Variants in MYOCD observed in about 807,000 individuals in gnomAD.
MYOCD encodes myocardin.
Under a neutral mutation model 96.1 loss-of-function variants are expected in MYOCD, and 32 were observed. That is an observed-to-expected ratio of 0.33 (90% confidence interval 0.25 to 0.45). MYOCD has a LOEUF of 0.45. Among genes scored for constraint, MYOCD ranks in the 20% least tolerant of loss-of-function variants. MYOCD has a pLI of 1.00. For missense variants in MYOCD, 1,133 were observed against 1,200.6 expected (o/e 0.94, Z 0.83); for synonymous variants, 469 against 469.0 (o/e 1.00, Z 0.00).
At chr17:12,703,248 T>C (rs993650196) in intron 1 of MYOCD, among the ~76,000 whole-genome samples, 8 of 152,032 alleles carry the variant, frequency 5.3e-5, no homozygotes, top group Non-Finnish European at 1.2e-4. Flanking sequence ...TATAATATGT[T>C]GTGTCTCCCC....
intron 4 of MYOCD, 26 bp downstream of exon 4, chr17:12,717,447 A>G (rs2031683034): frequency 3.2e-6 from 5 of 1,574,030 alleles, no homozygotes; most frequent in Non-Finnish European, 4.4e-6. Context: ...ATCAGACACC[A>G]AGAGATGCTG....
intron 7 of MYOCD, among the ~76,000 whole-genome samples, chr17:12,739,969 T>C (rs1415169242): frequency 6.6e-6 from 1 of 152,180 alleles, no homozygotes; most frequent in Non-Finnish European, 1.5e-5. Context: ...AGAGTCTCTC[T>C]CTGTTGCCCA....
At chr17:12,704,060 T>G (rs758511316) in intron 1 of MYOCD, among the ~76,000 whole-genome samples, 1 of 152,192 alleles carries the variant, frequency 6.6e-6, no homozygotes. Flanking sequence ...GTCTTTTCCA[T>G]TTAGAATTGG....
chr17:12,753,796 A>G (rs1048709707), intron 10 of MYOCD, among the ~76,000 whole-genome samples: 12 of 152,174 alleles, frequency 7.9e-5, no homozygotes, highest in East Asian at 3.9e-4. Flanking sequence ...CAACCTTATC[A>G]TAGGCCAAAC....
At chr17:12,674,350 C>G (rs1248789805) in intron 1 of MYOCD, among the ~76,000 whole-genome samples, 2 of 152,164 alleles carry the variant, frequency 1.3e-5, no homozygotes, top group African/African-American at 4.8e-5. Flanking sequence ...CTGCTATCGT[C>G]CTTGATTTCC....
At chr17:12,672,712 A>G (rs921218187) in intron 1 of MYOCD, among the ~76,000 whole-genome samples, 2 of 152,144 alleles carry the variant, frequency 1.3e-5, no homozygotes, top group African/African-American at 4.8e-5. Flanking sequence ...CCTCTGACTC[A>G]TGGATGTTTG....
At chr17:12,709,288 A>C (rs2031404766) in intron 2 of MYOCD, among the ~76,000 whole-genome samples, 1 of 152,254 alleles carries the variant, frequency 6.6e-6, no homozygotes, top group South Asian at 2.1e-4. Context: ...AGTGGTTAGC[A>C]ACCAGCAACA....
intron 1 of MYOCD, among the ~76,000 whole-genome samples, chr17:12,677,051 T>G (rs1730483805): frequency 6.6e-6 from 1 of 152,192 alleles, no homozygotes; most frequent in Admixed American, 6.6e-5. Context: ...TAATTATACT[T>G]TAATTCACAC....
chr17:12,734,116 G>GAAT (rs72533861), intron 5 of MYOCD, among the ~76,000 whole-genome samples: 1 of 151,896 alleles, frequency 6.6e-6, no homozygotes, highest in Admixed American at 6.6e-5. Flanking sequence ...AGAATATGTA[G>GAAT]ATTTTGCAAT....
intron 9 of MYOCD, among the ~76,000 whole-genome samples, chr17:12,746,595 C>A (rs755971390): frequency 2.3e-4 from 35 of 152,100 alleles, no homozygotes; most frequent in Non-Finnish European, 3.7e-4. Flanking sequence ...ATCTGTCAGA[C>A]CCCTCAAAAC....
At position 12,760,780 on chromosome 17, in the gene MYOCD, C is replaced by T. The variant is rs1313119579; in HGVS notation, c.2389+73C>T. On this transcript the variant is annotated intron_variant, in intron 13 of 13. Transcript: ENST00000425538. ...AACTCTAAGGAATGAACTCTCGGTA[C>T]CAAGATCAGATGCACACTGTGAGTT... 6.4e-6 allele frequency: 8 copies of T among 1,247,698 alleles called. No homozygotes were observed. The African/African-American group carries it at 1.0e-4, about 16-fold the overall frequency. 77.3% of individuals were successfully genotyped at this position (1,247,698 alleles called of 1,614,324 possible).
At chr17:12,740,861 C>T (rs1011963199) in intron 7 of MYOCD, among the ~76,000 whole-genome samples, 4 of 152,174 alleles carry the variant, frequency 2.6e-5, no homozygotes, top group Non-Finnish European at 5.9e-5. Flanking sequence ...GCCTCAGCCT[C>T]CCCAGTAGCT....
At chr17:12,729,827 A>G (rs530652095) in intron 5 of MYOCD, among the ~76,000 whole-genome samples, 2 of 152,086 alleles carry the variant, frequency 1.3e-5, no homozygotes, top group East Asian at 3.9e-4. Flanking sequence ...GCCTTGCCTA[A>G]TGTTATTTTT....
intron 4 of MYOCD, among the ~76,000 whole-genome samples, chr17:12,722,261 C>T (rs10521199): frequency 0.02 from 3,048 of 152,252 alleles, 140 homozygotes; most frequent in Admixed American, 0.11. Flanking sequence ...AGGCTCTGTA[C>T]GTGACCTTTC....
At chr17:12,755,308 A>G (rs1347313303) in intron 10 of MYOCD, among the ~76,000 whole-genome samples, 1 of 152,222 alleles carries the variant, frequency 6.6e-6, no homozygotes, top group African/African-American at 2.4e-5. Flanking sequence ...TAAAAATTTC[A>G]TGATAAAATG....
At chr17:12,700,937 A>G (rs974757533) in intron 1 of MYOCD, among the ~76,000 whole-genome samples, 1 of 152,112 alleles carries the variant, frequency 6.6e-6, no homozygotes, top group Non-Finnish European at 1.5e-5. Flanking sequence ...ATAATAATCA[A>G]TCTATGATTT....
chr17:12,714,323 G>GCGCACACACACACACACA (rs5819379), intron 2 of MYOCD, among the ~76,000 whole-genome samples: 1 of 136,052 alleles, frequency 7.4e-6, no homozygotes, highest in Non-Finnish European at 1.6e-5. Flanking sequence ...TGAGGCACGT[G>GCGCACACACACACACACA]CACACACACA....
chr17:12,697,365 T>A (rs201562502), intron 1 of MYOCD, among the ~76,000 whole-genome samples: 9,869 of 101,342 alleles, frequency 0.097, 310 homozygotes, highest in Middle Eastern at 0.14. Flanking sequence ...ATATATTTTT[T>A]TTTTTTTTTT....
intron 2 of MYOCD, among the ~76,000 whole-genome samples, chr17:12,709,869 T>C (rs12453456): frequency 0.15 from 22,962 of 152,086 alleles, 1,826 homozygotes; most frequent in Middle Eastern, 0.2. Context: ...TCTCCCTGGG[T>C]ATCACTCTCC....
Sources: allele counts gnomAD v4.1 joint callset (sites outside exome capture counted in the v4.1 genomes callset), GRCh38; gene constraint gnomAD v4.1.1; transcripts MANE v1.5; gene names NCBI Gene and HGNC (gene_info 2026-07-23, HGNC 2026-07-21).